Variants in LITAF observed in about 807,000 individuals in gnomAD.
LITAF encodes the protein lipopolysaccharide induced TNF factor, also known as lipopolysaccharide-induced tumor necrosis factor-alpha factor.
LITAF carries 9 observed loss-of-function variants against 14.5 expected under a neutral mutation model. That is an observed-to-expected ratio of 0.62 (90% CI 0.37 to 1.08). The LOEUF (loss-of-function observed/expected upper bound fraction) is 1.08, where lower values mean the gene tolerates loss of function less well. Among genes scored for constraint, LITAF ranks in the 50% least tolerant of loss-of-function variants. The probability of loss-of-function intolerance (pLI) is 0.01; values close to 1 mark genes in which losing one functional copy is unlikely to be tolerated. For synonymous variants in LITAF, 98 were observed against 88.2 expected, an observed-to-expected ratio of 1.11 and a Z score of -0.62; for missense variants, 206 against 213.4, an observed-to-expected ratio of 0.97 and a Z score of 0.22.
At chr16:11,568,681 T>C (rs1352949760) in intron 1 of LITAF, among the ~76,000 whole-genome samples, 1 of 123,582 alleles carries the variant, frequency 8.1e-6, no homozygotes, top group Non-Finnish European at 1.7e-5. Context: ...TTGTTTTTTT[T>C]TGTTTTTTTT....
rs558217205 is a variant in LITAF at position 11,549,298 on chromosome 16, AGG to A, written c.*337_*338del. 5.9e-4 allele frequency: 263 copies of A among 447,348 alleles called. 1 individual carries two copies. The highest frequency in any genetic ancestry group is 3.6e-3 in the South Asian group (230 of 63,648). The allele number at this position is 447,348 out of a possible 1,614,324, so 27.7% of individuals were successfully genotyped here. On this transcript the variant is annotated 3_prime_UTR_variant, in exon 4 of 4. Coordinates refer to ENST00000622633, the MANE Select transcript of LITAF (RefSeq NM_001136472.2). The surrounding 1 kb of genome is among the most constrained non-coding windows in gnomAD (Gnocchi z 4.6). ...TGCCACCAGAAAGGCCCATGGAAGCAGGAAAAAAGAGCCACTGATGGCAGATC... is the reference window on the plus strand; with the variant it reads ...TGCCACCAGAAAGGCCCATGGAAGCAAAAAAAGAGCCACTGATGGCAGATC...
intron 1 of LITAF, among the ~76,000 whole-genome samples, chr16:11,564,706 C>T (rs1045388874): frequency 6.6e-6 from 1 of 152,128 alleles, no homozygotes; most frequent in Non-Finnish European, 1.5e-5. Context: ...GATCAGACTT[C>T]GGGAAGCCCG....
chr16:11,573,828 A>G (rs562079208), intron 1 of LITAF, among the ~76,000 whole-genome samples: 1 of 150,268 alleles, frequency 6.7e-6, no homozygotes, highest in African/African-American at 2.5e-5. Flanking sequence ...CAGCCTCCCA[A>G]ATAGCTGGGA....
At chr16:11,611,433 T>C (rs911089478) in intron 3 of LITAF, among the ~76,000 whole-genome samples, 1 of 152,190 alleles carries the variant, frequency 6.6e-6, no homozygotes, top group African/African-American at 2.4e-5. Context: ...GCATGGGATA[T>C]ACTTATACTA....
At chr16:11,612,747 A>G (rs1290986874) in intron 3 of LITAF, among the ~76,000 whole-genome samples, 1 of 151,442 alleles carries the variant, frequency 6.6e-6, no homozygotes, top group Non-Finnish European at 1.5e-5. Flanking sequence ...AGAAGGGCGG[A>G]GGGACGAGGA....
rs1407519598 is a variant in LITAF at position 11,558,100 on chromosome 16, C to T, written c.-5-1365G>A. Among the ~76,000 whole-genome samples the T allele has an allele frequency of 6.6e-6, 1 of 152,152 alleles. No homozygotes were observed. The highest frequency in any genetic ancestry group is 6.5e-5 in the Admixed American group (1 of 15,278). On this transcript the variant is annotated intron_variant, in intron 1 of 3. Transcript: ENST00000622633. The surrounding 1 kb of genome is among the most constrained non-coding windows in gnomAD (Gnocchi z 4.1). ...AGGCTCCGGGGCAGCGAGCCACAAC[C>T]ACCACTCCCCTCTCCCGACACTGTC...
In LITAF at chr16:11,556,538, G is replaced by T. The variant is rs1218058346; in HGVS notation, c.193C>A (p.Pro65Thr). ...GGATTGTTATTGGGGATGGGCGCTG[G>T]CTGGGTATAATACGAAGGAGGATTC... ...GMNPPSYYTQ[P>T]APIPNNNPIT... The change falls in exon 2 of 4, where the codon CCA becomes ACA. Residue 65 changes from proline to threonine, a missense_variant. Coordinates refer to ENST00000622633, the MANE Select transcript of LITAF (RefSeq NM_001136472.2). 1 of 1,614,004 alleles carries T rather than the reference G, an allele frequency of 6.2e-7. No individual in the cohort carries two copies. Among genetic ancestry groups the T allele is most frequent in the African/African-American group, 1.3e-5 (1 of 74,932 alleles).
chr16:11,566,341 T>G (rs985015586), intron 1 of LITAF, among the ~76,000 whole-genome samples: 1 of 152,114 alleles, frequency 6.6e-6, no homozygotes. Context: ...TGCAGGACTT[T>G]TGGTGCTAAA....
rs905731290 is a variant in LITAF, at chr16:11,549,159, A to C, written c.*478T>G. The C allele has an allele frequency of 4.4e-5, 20 of 454,088 alleles. No individual in the cohort carries two copies. Among genetic ancestry groups the C allele is most frequent in the Admixed American group, 2.1e-4 (9 of 42,542 alleles). The allele number at this position is 454,088 out of a possible 1,614,324, so 28.1% of individuals were successfully genotyped here. On this transcript the variant is annotated 3_prime_UTR_variant, in exon 4 of 4. Coordinates refer to ENST00000622633, the MANE Select transcript of LITAF (RefSeq NM_001136472.2). This position sits in a 1 kb window ranked among gnomAD's most constrained non-coding sequence, Gnocchi z 4.6. The stretch of plus-strand genomic sequence containing the variant: ...AAGTCTGTAAGGCAAGATCTTTGTC[A>C]TCAGGGACGGGAAGAGACGGATAAG...
At chr16:11,550,482 T>C (rs190843228) in intron 3 of LITAF, among the ~76,000 whole-genome samples, 279 of 152,344 alleles carry the variant, frequency 1.8e-3, no homozygotes, top group Admixed American at 4.2e-3. Context: ...TAATTTGTGA[T>C]GACACCCCTA....
At chr16:11,582,660 G>T (rs2064756022) in intron 1 of LITAF, among the ~76,000 whole-genome samples, 1 of 152,168 alleles carries the variant, frequency 6.6e-6, no homozygotes, top group South Asian at 2.1e-4. Context: ...TTAGGCAAAA[G>T]AAGGGCACTC....
At position 11,634,660 on chromosome 16, in the gene LITAF, A is replaced by G. The variant is rs900337404; in HGVS notation, c.-20-1023T>C. 1.2e-4 allele frequency among the ~76,000 whole-genome samples: 19 copies of G among 152,186 alleles called. No homozygotes were observed. Among genetic ancestry groups the G allele is most frequent in the East Asian group, 3.8e-4 (2 of 5,202 alleles). On this transcript the variant is annotated intron_variant, in intron 2 of 3. Coordinates refer to the LITAF transcript ENST00000574848. The surrounding 1 kb of genome is among the most constrained non-coding windows in gnomAD (Gnocchi z 4.1). ...ATGATTGCATCCCCAACCAGTCAGCAGCACCCATTCCCTGGCCAGACGAAC... is the reference window on the plus strand; with the variant it reads ...ATGATTGCATCCCCAACCAGTCAGCGGCACCCATTCCCTGGCCAGACGAAC...
At chr16:11,602,508 C>T (rs1326115188), upstream of LITAF, among the ~76,000 whole-genome samples, 1 of 152,120 alleles carries the variant, frequency 6.6e-6, no homozygotes, top group Non-Finnish European at 1.5e-5. Flanking sequence ...CAGCTGGCCT[C>T]GTGTGTCACT....
chr16:11,548,824 A>G lies in LITAF; in HGVS notation c.*813T>C. On this transcript the variant is annotated 3_prime_UTR_variant, in exon 4 of 4. Transcript: ENST00000622633. The stretch of plus-strand genomic sequence containing the variant: ...GACCCCATCTCTGTTTTTTTTTAAA[A>G]AAAAGAAATTCTGTTCAAAAGTATT... 1 of 452,980 alleles carries G rather than the reference A, an allele frequency of 2.2e-6. No homozygotes were observed. The highest frequency in any genetic ancestry group is 4.4e-6 in the Non-Finnish European group (1 of 226,554). The allele number at this position is 452,980 out of a possible 1,614,324, so 28.1% of individuals were successfully genotyped here.
intron 3 of LITAF, among the ~76,000 whole-genome samples, chr16:11,626,373 T>A (rs2065083946): frequency 1.4e-5 from 2 of 147,290 alleles, no homozygotes; most frequent in Non-Finnish European, 3.0e-5. Flanking sequence ...TAAGACAGTC[T>A]TGCTCTGTTG....
Position 11,549,291 on chromosome 16 carries a change from T to C in LITAF, c.*346A>G, listed in dbSNP as rs549277955. 8 of 446,162 alleles carry C rather than the reference T, an allele frequency of 1.8e-5. No homozygotes were observed. Among genetic ancestry groups the C allele is most frequent in the African/African-American group, 8.1e-5 (4 of 49,582 alleles). The allele number at this position is 446,162 out of a possible 1,614,324, so 27.6% of individuals were successfully genotyped here. ...TTGAGACTGCCACCAGAAAGGCCCA[T>C]GGAAGCAGGAAAAAAGAGCCACTGA... On this transcript the variant is annotated 3_prime_UTR_variant, in exon 4 of 4. Transcript: ENST00000622633. This position sits in a 1 kb window ranked among gnomAD's most constrained non-coding sequence, Gnocchi z 4.6.
intron 3 of LITAF, among the ~76,000 whole-genome samples, chr16:11,623,978 T>G (rs2065067960): frequency 1.3e-5 from 2 of 151,732 alleles, no homozygotes; most frequent in Admixed American, 1.3e-4. Context: ...AAAAAAAATT[T>G]TTTTAAAAGA....
At chr16:11,610,139 G>A (rs897914185) in intron 3 of LITAF, among the ~76,000 whole-genome samples, 2 of 152,218 alleles carry the variant, frequency 1.3e-5, no homozygotes, top group East Asian at 1.9e-4. Flanking sequence ...CAGCCCAGGA[G>A]GACTGGGTGG....
At chr16:11,599,003 A>G (rs1197726661), upstream of LITAF, among the ~76,000 whole-genome samples, 1 of 151,440 alleles carries the variant, frequency 6.6e-6, no homozygotes, top group African/African-American at 2.4e-5. Context: ...TATTTTTAGT[A>G]GACATGGGTT....
Sources: gnomAD v4.1 joint callset for allele counts (sites outside exome capture counted in the v4.1 genomes callset) on GRCh38, gnomAD v4.1.1 for gene constraint, Gnocchi (gnomAD v3.1) non-coding constraint, MANE v1.5 for transcripts, NCBI Gene and HGNC (gene_info 2026-07-23, HGNC 2026-07-21) for gene names.